Variants in NMU observed in about 807,000 individuals in gnomAD.
NMU encodes neuromedin U, also known as neuromedin-U.
Under a neutral mutation model 35.4 loss-of-function variants are expected in NMU, and 29 were observed. The observed-to-expected ratio is 0.82, with a 90% CI of 0.61 to 1.12. The LOEUF (loss-of-function observed/expected upper bound fraction) is 1.12, where lower values mean the gene tolerates loss of function less well. Among genes scored for constraint, NMU ranks in the 50% most tolerant of loss-of-function variants. The pLI, the probability that NMU is intolerant of heterozygous loss-of-function variation, is 0.00. For synonymous variants in NMU, 78 were observed against 81.3 expected, an observed-to-expected ratio of 0.96 and a Z score of 0.22; for missense variants, 199 against 206.2, an observed-to-expected ratio of 0.97 and a Z score of 0.21.
intron 3 of NMU, 128 bp from the exon 4 acceptor site, chr4:55,609,307 T>C: frequency 1.4e-6 from 1 of 728,776 alleles, no homozygotes; most frequent in East Asian, 2.6e-5. Flanking sequence ...TTCTGTAGAT[T>C]ATTAAAACTG....
intron 2 of NMU, 89 bp downstream of exon 2, chr4:55,630,313 G>C (rs921477607): frequency 1.9e-5 from 18 of 968,812 alleles, no homozygotes; most frequent in Non-Finnish European, 2.8e-5. Flanking sequence ...TAAAATCATA[G>C]TTCTCCCAAA....
chr4:55,633,049 G>C (rs1715697941), intron 1 of NMU, among the ~76,000 whole-genome samples: 1 of 140,942 alleles, frequency 7.1e-6, no homozygotes, highest in African/African-American at 2.6e-5. Context: ...TCCTGGCTGG[G>C]TGCAGTGGCT....
intron 6 of NMU, among the ~76,000 whole-genome samples, chr4:55,606,575 G>C (rs974744864): frequency 3.9e-5 from 6 of 151,952 alleles, no homozygotes; most frequent in African/African-American, 1.4e-4. Context: ...TTTTAAATTT[G>C]CAACAATTGC....
At chr4:55,603,911 CAAAAA>C (rs746222578) in intron 7 of NMU, among the ~76,000 whole-genome samples, 703 of 50,126 alleles carry the variant, frequency 0.014, 14 homozygotes, top group Non-Finnish European at 0.015. Context: ...GAGTCCGTCT[CAAAAA>C]AAAAAAAAAA....
chr4:55,603,713 C>T (rs1733521184), intron 7 of NMU, among the ~76,000 whole-genome samples: 2 of 151,350 alleles, frequency 1.3e-5, no homozygotes, highest in South Asian at 4.2e-4. Flanking sequence ...GAGATCGAGA[C>T]CATCCTGGCT....
At position 55,609,192 on chromosome 4, in the gene NMU, A is replaced by G. The variant is rs1433988160; in HGVS notation, c.220-13T>C. ...GTGCGTTGGATGCCTAACAGAAATG[A>G]GAAGATATGTAAGTTATGCTTCTGC... On this transcript the variant is annotated splice_polypyrimidine_tract_variant and intron_variant, in intron 3 of 9. Transcript: ENST00000264218. 1 of 1,599,814 alleles carries G rather than the reference A, an allele frequency of 6.3e-7. No homozygotes were observed. Among genetic ancestry groups the G allele is most frequent in the African/African-American group, 1.3e-5 (1 of 74,842 alleles).
intron 2 of NMU, among the ~76,000 whole-genome samples, chr4:55,616,860 A>C (rs1388652626): frequency 1.3e-5 from 2 of 152,166 alleles, no homozygotes; most frequent in Non-Finnish European, 2.9e-5. Flanking sequence ...AATCCACTAG[A>C]TCTCTCCCAT....
chr4:55,617,546 A>G (rs998117501), intron 2 of NMU, among the ~76,000 whole-genome samples: 10 of 152,026 alleles, frequency 6.6e-5, no homozygotes, highest in Non-Finnish European at 1.2e-4. Context: ...CACTGAGGGT[A>G]GGGGCCGTGT....
intron 8 of NMU, among the ~76,000 whole-genome samples, chr4:55,599,710 A>G (rs898940109): frequency 2.0e-5 from 3 of 152,166 alleles, no homozygotes; most frequent in African/African-American, 7.2e-5. Flanking sequence ...ATTCCCATTG[A>G]TGCTTCAGGA....
At chr4:55,636,444 A>C (rs530868542), upstream of NMU, 65 of 481,978 alleles carry the variant, frequency 1.3e-4, no homozygotes, top group African/African-American at 1.2e-3. This position sits in a 1 kb window ranked among gnomAD's most constrained non-coding sequence, Gnocchi z 4.0. Flanking sequence ...CCCACCCTGC[A>C]GCAGGACCCG....
At chr4:55,615,635 A>G (rs1294690046) in intron 3 of NMU, among the ~76,000 whole-genome samples, 1 of 152,152 alleles carries the variant, frequency 6.6e-6, no homozygotes, top group East Asian at 1.9e-4. Flanking sequence ...AATTTTTATT[A>G]TTATTTAAAC....
intron 3 of NMU, 129 bp downstream of exon 3, chr4:55,616,209 G>A: frequency 1.4e-6 from 1 of 725,902 alleles, no homozygotes; most frequent in Non-Finnish European, 2.5e-6. Flanking sequence ...ATTATCTACA[G>A]CAAATGTAAT....
At chr4:55,625,735 T>C (rs1414665463) in intron 2 of NMU, among the ~76,000 whole-genome samples, 1 of 152,134 alleles carries the variant, frequency 6.6e-6, no homozygotes, top group Non-Finnish European at 1.5e-5. Flanking sequence ...GTATATGTTT[T>C]TGTAAAACCC....
intron 2 of NMU, among the ~76,000 whole-genome samples, chr4:55,628,881 T>C (rs1434637854): frequency 2.6e-5 from 4 of 152,172 alleles, no homozygotes; most frequent in African/African-American, 9.6e-5. Context: ...TATTAATGTT[T>C]TTAAATTTTC....
intron 7 of NMU, among the ~76,000 whole-genome samples, chr4:55,603,927 ATAT>A (rs1479844504): frequency 0.021 from 970 of 47,246 alleles, 188 homozygotes; most frequent in African/African-American, 0.045. Context: ...AAAAAAAAAA[ATAT>A]ATATATATAT....
At chr4:55,600,422 A>G in intron 8 of NMU, 100 bp downstream of exon 8, 1 of 819,600 alleles carries the variant, frequency 1.2e-6, no homozygotes, top group South Asian at 1.5e-5. Flanking sequence ...AACATCTATA[A>G]ACTTTAAAAC....
Position 55,607,348 on chromosome 4 carries a change from A to T in NMU, c.310T>A (p.Phe104Ile), listed in dbSNP as rs1733728247. The change falls in exon 6 of 10, where the codon TTC (phenylalanine) becomes ATC (isoleucine). Residue 104 changes from phenylalanine (F) to isoleucine (I), a missense_variant and splice_region_variant. Phe to Ile is a conservative substitution (Grantham distance 21, BLOSUM62 0). Coordinates refer to ENST00000264218, the MANE Select transcript of NMU (RefSeq NM_006681.4). ...EQDEKDNTKR[F>I]LFHYSKTQKL... ...TGTGTCTTCGAATAATGAAATAAGA[A>T]CTGTTTAAAAAAAGCAGTAAGTTTT... 1 of 1,604,106 alleles carries T rather than the reference A, an allele frequency of 6.2e-7. No homozygotes were observed. The highest frequency in any genetic ancestry group is 8.5e-7 in the Non-Finnish European group (1 of 1,171,598).
rs1479679707 is a variant in NMU, at chr4:55,636,012, G to A, written c.112+69C>T. ...TAAAGGTGAGAGAAAGAGGGTGGAG[G>A]AGAGCGGTGAGTGGAGCCAGAGAGA... On this transcript the variant is annotated intron_variant, in intron 1 of 9. Coordinates refer to ENST00000264218, the MANE Select transcript of NMU (RefSeq NM_006681.4). This position sits in a 1 kb window ranked among gnomAD's most constrained non-coding sequence, Gnocchi z 4.0. 1 of 1,531,984 alleles carries A rather than the reference G, an allele frequency of 6.5e-7. No individual in the cohort carries two copies. Among genetic ancestry groups the A allele is most frequent in the Non-Finnish European group, 8.7e-7 (1 of 1,145,562 alleles). The allele number at this position is 1,531,984 out of a possible 1,614,324, so 94.9% of individuals were successfully genotyped here. A position where few individuals can be genotyped will look rare whatever the true frequency, so the allele number is the denominator to read the frequency against.
chr4:55,618,816 C>T (rs28865997), intron 2 of NMU, among the ~76,000 whole-genome samples: 3,718 of 141,232 alleles, frequency 0.026, 158 homozygotes, highest in African/African-American at 0.093. Flanking sequence ...TCTTCTCTTT[C>T]TTCTCTCTTT....
Sources: gnomAD v4.1 joint callset for allele counts (sites outside exome capture counted in the v4.1 genomes callset) on GRCh38, gnomAD v4.1.1 for gene constraint, Gnocchi (gnomAD v3.1) non-coding constraint, MANE v1.5 for transcripts, NCBI Gene and HGNC (gene_info 2026-07-23, HGNC 2026-07-21) for gene names.